The following LRPAP1 variants were observed in gnomAD, a reference collection of about 807,000 sequenced individuals.
The protein encoded by LRPAP1 is LDL receptor related protein associated protein 1.
In LRPAP1, 41 loss-of-function variants were observed where a neutral mutation model predicts 39.9. That is an observed-to-expected ratio of 1.03 (90% CI 0.80 to 1.33). The LOEUF (loss-of-function observed/expected upper bound fraction) is 1.33, where lower values mean the gene tolerates loss of function less well. Among genes scored for constraint, LRPAP1 ranks in the 40% most tolerant of loss-of-function variants. The pLI is 0.00. For synonymous variants in LRPAP1, 263 were observed against 212.7 expected (o/e 1.24, Z -2.06); for missense variants, 565 against 482.3 (o/e 1.17, Z -1.61).
Position 3,520,197 on chromosome 4 carries a change from G to A in LRPAP1, c.350-4C>T. On this transcript the variant is annotated splice_polypyrimidine_tract_variant and splice_region_variant and intron_variant, in intron 2 of 7. Coordinates refer to ENST00000650182, the MANE Select transcript of LRPAP1 (RefSeq NM_002337.4). The stretch of plus-strand genomic sequence containing the variant: ...AGACCATACTTGGCCAAGATGACTA[G>A]GAGAGAGGGGAGGTTCTATTTGATA... 6.2e-7 allele frequency: 1 copy of A among 1,612,758 alleles called. No homozygotes were observed.
In LRPAP1 at chr4:3,504,735, G is replaced by GTGAA. The variant is rs397797132; in HGVS notation, c.*8238_*8239insTTCA. 9.3e-4 allele frequency among the ~76,000 whole-genome samples: 99 copies of GTGAA among 106,684 alleles called. 3 individuals are homozygous for GTGAA. In the East Asian group the frequency reaches 0.023, roughly 25 times the overall value. The allele number at this position is 106,684 out of a possible 152,430, so 70.0% of individuals were successfully genotyped here. ...ATTGCACTGCAGCCTGAGCAATTGA[G>GTGAA]ATTCCATCTCAAAAAAAAAAAAAAA... On this transcript the variant is annotated 3_prime_UTR_variant, in exon 8 of 8. Transcript: ENST00000650182.
At chr4:3,528,492 T>A (rs1228945590) in intron 1 of LRPAP1, among the ~76,000 whole-genome samples, 1 of 152,072 alleles carries the variant, frequency 6.6e-6, no homozygotes, top group Non-Finnish European at 1.5e-5. Context: ...CAGGCCAGGG[T>A]CCACAGCTAC....
Position 3,532,361 on chromosome 4 carries a change from G to A in LRPAP1, c.52C>T (p.Leu18=). ...SFLRGLPALL[L]LLLFLGPWPA... Reference sequence around the variant, plus strand: ...CAGGGCCCGAGGAAGAGCAGCAGCAGTAGCAGCGCCGGGAGCCCGCGCAGA... The same window carrying A: ...CAGGGCCCGAGGAAGAGCAGCAGCAATAGCAGCGCCGGGAGCCCGCGCAGA... The change falls in exon 1 of 8, where the codon CTG becomes TTG. Residue 18 remains leucine, a synonymous_variant. Transcript: ENST00000650182. The A allele has an allele frequency of 6.3e-7, 1 of 1,594,554 alleles. No individual in the cohort carries two copies. The highest frequency in any genetic ancestry group is 8.5e-7 in the Non-Finnish European group (1 of 1,170,998).
intron 7 of LRPAP1, among the ~76,000 whole-genome samples, chr4:3,513,237 C>T (rs1453465086): frequency 2.0e-5 from 3 of 152,216 alleles, no homozygotes; most frequent in Non-Finnish European, 4.4e-5. Flanking sequence ...CACCAAAGAA[C>T]GCTAAGAGCC....
At chr4:3,531,277 G>A (rs1200667347) in intron 1 of LRPAP1, among the ~76,000 whole-genome samples, 1 of 152,218 alleles carries the variant, frequency 6.6e-6, no homozygotes, top group East Asian at 1.9e-4. Context: ...TCGTCTGTCT[G>A]TCCCCCACCT....
chr4:3,522,041 A>G (rs1222024320), intron 2 of LRPAP1, among the ~76,000 whole-genome samples: 1 of 152,250 alleles, frequency 6.6e-6, no homozygotes, highest in Non-Finnish European at 1.5e-5. Flanking sequence ...ATAAATACAT[A>G]CAAAAATACA....
Position 3,512,952 on chromosome 4 carries a change from C to T in LRPAP1, c.*22G>A, listed in dbSNP as rs773363042. ...TCCTTCACGCTGGCCTCTTCCCTGC[C>T]GGGCTGGGCTCCCCAATGCCTTCAG... On this transcript the variant is annotated 3_prime_UTR_variant, in exon 8 of 8. Coordinates refer to ENST00000650182, the MANE Select transcript of LRPAP1 (RefSeq NM_002337.4). The T allele has an allele frequency of 2.6e-5, 41 of 1,603,044 alleles. No individual in the cohort carries two copies. The highest frequency in any genetic ancestry group is 4.5e-5 in the East Asian group (2 of 44,168).
chr4:3,513,906 C>A (rs181362524), intron 7 of LRPAP1, among the ~76,000 whole-genome samples: 1 of 152,274 alleles, frequency 6.6e-6, no homozygotes, highest in African/African-American at 2.4e-5. Context: ...AAGGTCCCTT[C>A]TCTCAGCGGC....
chr4:3,510,441 G>C lies in LRPAP1; in HGVS notation c.*2533C>G, dbSNP rs997126831. On this transcript the variant is annotated 3_prime_UTR_variant, in exon 8 of 8. Coordinates refer to ENST00000650182, the MANE Select transcript of LRPAP1 (RefSeq NM_002337.4). ...AGCCTGAGGGACAGAGCAAGACCTT[G>C]TCTAAAGTGTGGCAATGGCAAGAGC... The C allele has an allele frequency of 2.6e-5, 4 of 152,278 alleles. No individual in the cohort carries two copies. The highest frequency in any genetic ancestry group is 5.9e-5 in the Non-Finnish European group (4 of 68,088). The allele number at this position is 152,278 out of a possible 1,614,324, so 9.4% of individuals were successfully genotyped here.
chr4:3,527,612 C>T (rs1181450350), intron 1 of LRPAP1, among the ~76,000 whole-genome samples: 1 of 152,242 alleles, frequency 6.6e-6, no homozygotes, highest in Non-Finnish European at 1.5e-5. Flanking sequence ...AGAAGCAGCA[C>T]CCTGGGGCAG....
chr4:3,514,204 A>G (rs148650845), intron 7 of LRPAP1, among the ~76,000 whole-genome samples: 1 of 152,188 alleles, frequency 6.6e-6, no homozygotes, highest in East Asian at 1.9e-4. Flanking sequence ...GGCCTTTGCT[A>G]TTTTTGAATC....
At chr4:3,527,332 CCTG>C (rs1730107810) in intron 1 of LRPAP1, among the ~76,000 whole-genome samples, 1 of 152,166 alleles carries the variant, frequency 6.6e-6, no homozygotes, top group Admixed American at 6.5e-5. Context: ...CCCTAGGAGA[CCTG>C]AGGTCTGATC....
intron 1 of LRPAP1, among the ~76,000 whole-genome samples, chr4:3,529,379 C>T (rs1034439882): frequency 3.3e-5 from 5 of 152,122 alleles, no homozygotes; most frequent in African/African-American, 7.2e-5. Flanking sequence ...CCAAGGACTC[C>T]GAGCTCATGG....
chr4:3,513,118 C>T (rs971267727), intron 7 of LRPAP1, 82 bp from the exon 8 acceptor site: 27 of 1,100,818 alleles, frequency 2.5e-5, no homozygotes, highest in South Asian at 7.0e-5. Context: ...TCAGGAGACG[C>T]GCGATCCAAA....
intron 5 of LRPAP1, among the ~76,000 whole-genome samples, chr4:3,516,474 C>A (rs1729708076): frequency 7.7e-6 from 1 of 130,112 alleles, no homozygotes; most frequent in Non-Finnish European, 1.7e-5. Flanking sequence ...TCCATCAGAG[C>A]CTGGGAAGCG....
chr4:3,516,237 G>C (rs1416805056), intron 5 of LRPAP1, 39 bp from the exon 6 acceptor site: 1 of 1,505,064 alleles, frequency 6.6e-7, no homozygotes, highest in South Asian at 1.2e-5. Context: ...GCAGCACCCG[G>C]GGTGCACACC....
At chr4:3,522,916 G>C (rs1729963652) in intron 2 of LRPAP1, among the ~76,000 whole-genome samples, 1 of 152,184 alleles carries the variant, frequency 6.6e-6, no homozygotes, top group Admixed American at 6.5e-5. Context: ...GGTCCCCCAG[G>C]TATGGTATCA....
At chr4:3,516,353 A>C (rs535323861) in intron 5 of LRPAP1, among the ~76,000 whole-genome samples, 155 bp from the exon 6 acceptor site, 1 of 96,768 alleles carries the variant, frequency 1.0e-5, no homozygotes, top group African/African-American at 3.3e-5. Context: ...TCAAAGTCTT[A>C]TGGGGCACAG....
chr4:3,527,080 C>T (rs1486589509), intron 1 of LRPAP1, among the ~76,000 whole-genome samples: 1 of 151,942 alleles, frequency 6.6e-6, no homozygotes, highest in African/African-American at 2.4e-5. Flanking sequence ...CCAGGACAGT[C>T]TTTTGTCTGG....
Sources: allele counts gnomAD v4.1 joint callset (sites outside exome capture counted in the v4.1 genomes callset), GRCh38; gene constraint gnomAD v4.1.1; transcripts MANE v1.5; gene names NCBI Gene and HGNC (gene_info 2026-07-23, HGNC 2026-07-21).